Variants in FBXL3 observed in about 807,000 individuals in gnomAD.
FBXL3 encodes F-box/LRR-repeat protein 3.
FBXL3 carries 14 observed loss-of-function variants against 37.9 expected under a neutral mutation model. The observed-to-expected ratio is 0.37, with a 90% CI of 0.24 to 0.58. The LOEUF is 0.58. Ranked by LOEUF, FBXL3 falls within the 20% of genes least tolerant of loss-of-function variation. The probability of loss-of-function intolerance (pLI) is 0.74; values close to 1 mark genes in which losing one functional copy is unlikely to be tolerated. For synonymous variants in FBXL3, 194 were observed against 180.1 expected, an observed-to-expected ratio of 1.08 and a Z score of -0.62; for missense variants, 327 against 511.1, an observed-to-expected ratio of 0.64 and a Z score of 3.47.
chr13:77,024,383 A>G (rs1399918210), intron 1 of FBXL3, among the ~76,000 whole-genome samples: 1 of 152,180 alleles, frequency 6.6e-6, no homozygotes, highest in Non-Finnish European at 1.5e-5. Context: ...ACAGAGATTC[A>G]AAAAAGAATG....
intron 4 of FBXL3, 67 bp downstream of exon 4, chr13:77,015,342 A>T: frequency 8.6e-7 from 1 of 1,158,596 alleles, no homozygotes; most frequent in Non-Finnish European, 1.2e-6. Context: ...TAATGATCAT[A>T]GTTTTTTCTA....
At chr13:77,014,279 A>G (rs2034605844) in intron 4 of FBXL3, 1 of 152,334 alleles carries the variant, frequency 6.6e-6, no homozygotes, top group African/African-American at 2.4e-5. Context: ...GTGAGTGACC[A>G]GCAAGAGACA....
Position 77,008,163 on chromosome 13 carries a change from C to T in FBXL3, c.644-375G>A, listed in dbSNP as rs559666622. On this transcript the variant is annotated intron_variant, in intron 4 of 4. Coordinates refer to ENST00000355619, the MANE Select transcript of FBXL3 (RefSeq NM_012158.4). ...TTAGGTAATTACAGGACCACTGTGA[C>T]GGAGGCCAAAGGACATTTTTTGAAG... is the stretch of plus-strand genomic sequence containing the variant. Among the ~76,000 whole-genome samples the T allele has an allele frequency of 1.6e-4, 24 of 152,172 alleles. 1 individual carries two copies. The highest frequency in any genetic ancestry group is 9.8e-4 in the Admixed American group (15 of 15,288).
At chr13:77,023,345 AGTGTGT>A (rs3037568) in intron 1 of FBXL3, among the ~76,000 whole-genome samples, 47 of 147,504 alleles carry the variant, frequency 3.2e-4, no homozygotes, top group African/African-American at 9.0e-4. Flanking sequence ...AGAGAGAGAG[AGTGTGT>A]GTGTGTGTGT....
chr13:77,022,012 A>G, intron 1 of FBXL3, 151 bp from the exon 2 acceptor site: 1 of 669,984 alleles, frequency 1.5e-6, no homozygotes, highest in South Asian at 2.0e-5. Flanking sequence ...AAAACAAACT[A>G]TTATGAAAAA....
At chr13:77,022,829 TAA>T (rs919833776) in intron 1 of FBXL3, among the ~76,000 whole-genome samples, 8 of 152,248 alleles carry the variant, frequency 5.3e-5, no homozygotes, top group Admixed American at 2.0e-4. Context: ...GTATTATGGC[TAA>T]AGAGAATGGG....
intron 1 of FBXL3, among the ~76,000 whole-genome samples, chr13:77,022,798 T>C (rs2034768719): frequency 1.3e-5 from 2 of 152,362 alleles, no homozygotes; most frequent in South Asian, 4.1e-4. Context: ...CTTTGAAAGA[T>C]AGTTTTTTCA....
At chr13:77,022,351 G>A (rs1212557590) in intron 1 of FBXL3, among the ~76,000 whole-genome samples, 2 of 152,248 alleles carry the variant, frequency 1.3e-5, no homozygotes, top group Non-Finnish European at 2.9e-5. Flanking sequence ...TGTGGTTCTG[G>A]CCTGAGGACC....
intron 4 of FBXL3, chr13:77,009,383 A>C (rs1393626274): frequency 1.3e-5 from 2 of 152,236 alleles, no homozygotes; most frequent in Non-Finnish European, 2.9e-5. Context: ...GATGGAGTAC[A>C]GGGGTGTGAT....
Position 77,005,988 on chromosome 13 carries a change from C to T in FBXL3, c.*1157G>A, listed in dbSNP as rs1003007007. 2 of 152,416 alleles carry T rather than the reference C, an allele frequency of 1.3e-5. No homozygotes were observed. 9.4% of individuals were successfully genotyped at this position (152,416 alleles called of 1,614,324 possible). ...TAAATAATATAAAATATCGGTTTAA[C>T]CAAATTAACAATCACAAAACTGCAG... On this transcript the variant is annotated 3_prime_UTR_variant, in exon 5 of 5. Transcript: ENST00000355619.
chr13:77,010,050 C>A (rs1468907966), intron 4 of FBXL3: 1 of 152,140 alleles, frequency 6.6e-6, no homozygotes, highest in Non-Finnish European at 1.5e-5. Flanking sequence ...GAGAGTTGAA[C>A]AATGAGAACA....
chr13:77,018,817 T>C, intron 2 of FBXL3, 95 bp from the exon 3 acceptor site: 1 of 1,042,386 alleles, frequency 9.6e-7, no homozygotes. Context: ...ATGTATATAT[T>C]TATATTTCTC....
intron 4 of FBXL3, chr13:77,012,733 G>T (rs1293233265): frequency 6.6e-6 from 1 of 152,194 alleles, no homozygotes. Context: ...AATTTCAACT[G>T]AAATCTTATG....
intron 4 of FBXL3, chr13:77,014,977 A>G (rs1366754786): frequency 6.6e-6 from 1 of 152,300 alleles, no homozygotes; most frequent in African/African-American, 2.4e-5. Context: ...TAAGGCTACC[A>G]CTTAGTACAA....
chr13:77,007,633 T>C lies in FBXL3; in HGVS notation c.799A>G (p.Thr267Ala), dbSNP rs1039802350. 6.2e-7 allele frequency: 1 copy of C among 1,614,200 alleles called. No individual in the cohort carries two copies. The highest frequency in any genetic ancestry group is 8.5e-7 in the Non-Finnish European group (1 of 1,180,028). The change falls in exon 5 of 5, where the codon ACA becomes GCA. Residue 267 changes from threonine to alanine, a missense_variant. By Grantham distance (58) the Thr-to-Ala change is moderately conservative (BLOSUM62 0). Coordinates refer to ENST00000355619, the MANE Select transcript of FBXL3 (RefSeq NM_012158.4). ...IDVVSENPGQ[T>A]HFHTIQKSSW... ...CTCTTCTGAATAGTATGGAAGTGTG[T>C]CTGTCCAGGATTCTCACTGACTACA...
intron 1 of FBXL3, among the ~76,000 whole-genome samples, chr13:77,023,846 C>T (rs140193246): frequency 6.6e-5 from 10 of 152,326 alleles, no homozygotes; most frequent in Admixed American, 5.2e-4. Context: ...CCCAGTACCT[C>T]GCAAAACTTG....
chr13:77,015,378 T>G, intron 4 of FBXL3, 31 bp downstream of exon 4: 2 of 1,479,790 alleles, frequency 1.4e-6, no homozygotes, highest in Non-Finnish European at 1.8e-6. Context: ...TGCATTTTAC[T>G]AAAATGTGTC....
Position 77,007,146 on chromosome 13 carries a change from T to C in FBXL3, c.1286A>G (p.Ter429=). 3 of 1,596,692 alleles carry C rather than the reference T, an allele frequency of 1.9e-6. No individual in the cohort carries two copies. The highest frequency in any genetic ancestry group is 2.6e-6 in the Non-Finnish European group (3 of 1,169,658). The stretch of plus-strand genomic sequence containing the variant: ...AAGGTGCTATTCATCATGCAGTTTT[T>C]ACCAAGTGGGCATCATGTCGGGAAA... The part of the protein sequence containing the change: ...VWFPDMMPTW[*] Residue 429 remains the stop codon, a stop_retained_variant, in exon 5 of 5, where the codon TAA becomes TGA. Coordinates refer to ENST00000355619, the MANE Select transcript of FBXL3 (RefSeq NM_012158.4).
intron 1 of FBXL3, among the ~76,000 whole-genome samples, chr13:77,023,345 A>AGAGAGTGTGTGTGTGT (rs199568005): frequency 2.0e-5 from 3 of 147,600 alleles, no homozygotes; most frequent in South Asian, 2.2e-4. Flanking sequence ...AGAGAGAGAG[A>AGAGAGTGTGTGTGTGT]GTGTGTGTGT....
Sources: allele counts gnomAD v4.1 joint callset (sites outside exome capture counted in the v4.1 genomes callset), GRCh38; gene constraint gnomAD v4.1.1; transcripts MANE v1.5; gene names NCBI Gene and HGNC (gene_info 2026-07-23, HGNC 2026-07-21).